ARSB: variants seen among roughly 807,000 people sequenced by gnomAD.
The protein encoded by ARSB is arylsulfatase B, also known as N-acetylgalactosamine-4-sulfatase.
In ARSB, 41 loss-of-function variants were observed where a neutral mutation model predicts 50.9. The ratio of observed to expected loss-of-function variants is 0.81; its 90% confidence interval spans 0.63 to 1.04. The LOEUF (loss-of-function observed/expected upper bound fraction) is 1.04. Ranked by LOEUF, ARSB falls within the 50% of genes least tolerant of loss-of-function variation. The probability of loss-of-function intolerance (pLI) is 0.00; values close to 1 mark genes in which losing one functional copy is unlikely to be tolerated. For synonymous variants in ARSB, 269 were observed against 284.8 expected (o/e 0.94, Z 0.56); for missense variants, 672 against 693.3 (o/e 0.97, Z 0.35).
At chr5:78,848,201 A>G (rs893522355) in intron 5 of ARSB, among the ~76,000 whole-genome samples, 1 of 147,438 alleles carries the variant, frequency 6.8e-6, no homozygotes, top group Non-Finnish European at 1.5e-5. Flanking sequence ...TATATCTCCT[A>G]ATGCTATCCT....
intron 4 of ARSB, among the ~76,000 whole-genome samples, chr5:78,918,273 A>G (rs930685111): frequency 6.6e-6 from 1 of 152,184 alleles, no homozygotes; most frequent in African/African-American, 2.4e-5. Context: ...AAGGCAACAC[A>G]TTGTGAGGTT....
At chr5:78,834,622 T>C (rs1744860114) in intron 6 of ARSB, among the ~76,000 whole-genome samples, 2 of 127,216 alleles carry the variant, frequency 1.6e-5, no homozygotes, top group Non-Finnish European at 1.6e-5. Context: ...TATATATATA[T>C]ATATATATAT....
chr5:78,849,703 T>C (rs1399398835), intron 5 of ARSB, among the ~76,000 whole-genome samples: 1 of 147,222 alleles, frequency 6.8e-6, no homozygotes, highest in Non-Finnish European at 1.5e-5. Flanking sequence ...GCATGGAATG[T>C]TCTTCCATTT....
chr5:78,851,076 C>T (rs1273190071), intron 5 of ARSB, among the ~76,000 whole-genome samples: 1 of 152,112 alleles, frequency 6.6e-6, no homozygotes. Flanking sequence ...CTGCTCTGAT[C>T]TTAGTTATTT....
rs6859069 is a variant in ARSB, at chr5:78,882,424, T to C, written c.1142+3160A>G. Among the ~76,000 whole-genome samples the C allele has an allele frequency of 9.7e-3, 1,472 of 152,320 alleles. 33 individuals carry two copies. The highest frequency in any genetic ancestry group is 0.033 in the African/African-American group (1,389 of 41,568). On this transcript the variant is annotated intron_variant, in intron 5 of 7. Transcript: ENST00000264914. ...GGGTATTGTTTTTCAAGCCCCAACA[T>C]TGGTCACTTTCTTTAGCTCAATGAT...
intron 5 of ARSB, among the ~76,000 whole-genome samples, chr5:78,871,984 C>T (rs1747211664): frequency 6.6e-6 from 1 of 151,822 alleles, no homozygotes; most frequent in African/African-American, 2.4e-5. Context: ...AAACAAACAA[C>T]CCCATCAAAA....
At chr5:78,922,125 A>T (rs996769894) in intron 4 of ARSB, among the ~76,000 whole-genome samples, 11 of 148,508 alleles carry the variant, frequency 7.4e-5, no homozygotes, top group African/African-American at 2.7e-4. Flanking sequence ...ATAAACTTTA[A>T]GGTAGTCCAG....
intron 2 of ARSB, among the ~76,000 whole-genome samples, chr5:78,966,248 T>C (rs535412517): frequency 5.4e-4 from 82 of 152,338 alleles, no homozygotes; most frequent in African/African-American, 1.7e-3. Flanking sequence ...TTGGCAAAAC[T>C]AATACCAAGC....
intron 5 of ARSB, among the ~76,000 whole-genome samples, chr5:78,846,753 C>T (rs1745462892): frequency 1.3e-5 from 2 of 152,064 alleles, no homozygotes; most frequent in Non-Finnish European, 2.9e-5. Context: ...CTTTCTATTG[C>T]CTGATTGCTC....
chr5:78,897,471 A>C (rs1486109398), intron 4 of ARSB, among the ~76,000 whole-genome samples: 5 of 152,232 alleles, frequency 3.3e-5, no homozygotes, highest in African/African-American at 1.2e-4. Flanking sequence ...AATTTAACAC[A>C]GTTTGGGGTC....
intron 4 of ARSB, among the ~76,000 whole-genome samples, chr5:78,946,459 G>T (rs150549027): frequency 1.3e-5 from 2 of 152,240 alleles, no homozygotes; most frequent in East Asian, 3.9e-4. Flanking sequence ...ACATTTCTAT[G>T]TGCCAACAGT....
At chr5:78,887,068 T>C (rs1405961819) in intron 4 of ARSB, among the ~76,000 whole-genome samples, 2 of 152,212 alleles carry the variant, frequency 1.3e-5, no homozygotes, top group Non-Finnish European at 2.9e-5. Context: ...TTCCTCGTCT[T>C]CATGTGGAAA....
chr5:78,851,591 C>T (rs971252175), intron 5 of ARSB, among the ~76,000 whole-genome samples: 5 of 152,090 alleles, frequency 3.3e-5, no homozygotes, highest in Admixed American at 6.6e-5. Flanking sequence ...TGGTGCAGAG[C>T]TGAGTTCAAT....
At chr5:78,886,197 C>T (rs75652764) in intron 4 of ARSB, among the ~76,000 whole-genome samples, 2,942 of 152,260 alleles carry the variant, frequency 0.019, 39 homozygotes, top group Non-Finnish European at 0.032. Flanking sequence ...GGGACCCTCT[C>T]CATGCATGAA....
chr5:78,956,548 A>G (rs1238521208), intron 3 of ARSB, among the ~76,000 whole-genome samples: 1 of 152,234 alleles, frequency 6.6e-6, no homozygotes. Flanking sequence ...ATTAAAAAAT[A>G]TAACAAAAGA....
intron 4 of ARSB, among the ~76,000 whole-genome samples, chr5:78,946,494 A>G (rs1751238598): frequency 6.6e-6 from 1 of 152,218 alleles, no homozygotes; most frequent in African/African-American, 2.4e-5. Context: ...AGAAATCAAG[A>G]AAGTTATCCC....
At chr5:78,913,981 T>C (rs1335740468) in intron 4 of ARSB, among the ~76,000 whole-genome samples, 2 of 151,516 alleles carry the variant, frequency 1.3e-5, no homozygotes, top group South Asian at 4.2e-4. Context: ...TTTTTTTTTT[T>C]AGACAAGATA....
intron 1 of ARSB, among the ~76,000 whole-genome samples, chr5:78,970,805 G>A (rs10462564): frequency 0.26 from 38,751 of 151,908 alleles, 5,091 homozygotes; most frequent in Middle Eastern, 0.34. Flanking sequence ...AATAAAAATA[G>A]AAAAAATTAG....
intron 6 of ARSB, among the ~76,000 whole-genome samples, chr5:78,784,075 G>A (rs1749015477): frequency 6.6e-6 from 1 of 152,106 alleles, no homozygotes; most frequent in South Asian, 2.1e-4. Context: ...CTCAAACCCT[G>A]TCCTTTCATT....
Sources: gnomAD v4.1 joint callset for allele counts (sites outside exome capture counted in the v4.1 genomes callset) on GRCh38, gnomAD v4.1.1 for gene constraint, MANE v1.5 for transcripts, NCBI Gene and HGNC (gene_info 2026-07-23, HGNC 2026-07-21) for gene names.